C5orf46: variants seen among roughly 807,000 people sequenced by gnomAD.
The protein encoded by C5orf46 is uncharacterized protein C5orf46.
Under a neutral mutation model 8.9 loss-of-function variants are expected in C5orf46, and 9 were observed. That is an observed-to-expected ratio of 1.01 (90% CI 0.61 to 1.76). C5orf46 has a LOEUF of 1.76. Among genes scored for constraint, C5orf46 ranks in the 40% most tolerant of loss-of-function variants. The probability of loss-of-function intolerance (pLI) is 0.00; values close to 1 mark genes in which losing one functional copy is unlikely to be tolerated. For synonymous variants in C5orf46, 47 were observed against 41.4 expected, an observed-to-expected ratio of 1.14 and a Z score of -0.52; for missense variants, 98 against 107.8, an observed-to-expected ratio of 0.91 and a Z score of 0.40.
rs1310153322 is a variant in C5orf46, at chr5:147,886,536, C to G, written n.205-5442G>C. The stretch of plus-strand genomic sequence containing the variant: ...CTATAATTATGTATAACTGTAGTTA[C>G]ATATATGCATATATGTAACTTTCAT... On this transcript the variant is annotated intron_variant and non_coding_transcript_variant, in intron 2 of 2. Transcript: ENST00000510432. 71 of 150,748 alleles carry G rather than the reference C, an allele frequency of 4.7e-4. 1 individual carries two copies. The highest frequency in any genetic ancestry group is 5.9e-5 in the Non-Finnish European group (4 of 67,750). 9.3% of individuals were successfully genotyped at this position (150,748 alleles called of 1,614,324 possible).
chr5:147,899,134 G>A (rs933714525), intron 2 of C5orf46, among the ~76,000 whole-genome samples: 4 of 151,998 alleles, frequency 2.6e-5, no homozygotes, highest in Admixed American at 1.3e-4. Flanking sequence ...AACTCCTTTC[G>A]CTGGAAACTG....
At chr5:147,893,258 GA>G (rs963686558) in intron 3 of C5orf46, among the ~76,000 whole-genome samples, 5 of 137,604 alleles carry the variant, frequency 3.6e-5, no homozygotes, top group Non-Finnish European at 4.8e-5. Context: ...TGATGAAAAA[GA>G]AAAAAACTAA....
At chr5:147,898,550 T>C (rs563045967) in intron 2 of C5orf46, among the ~76,000 whole-genome samples, 12 of 152,142 alleles carry the variant, frequency 7.9e-5, no homozygotes, top group African/African-American at 2.9e-4. Flanking sequence ...AGGAAAAAAT[T>C]GCAACAGAAA....
chr5:147,902,315 A>T (rs1757684130), intron 1 of C5orf46, among the ~76,000 whole-genome samples: 1 of 151,962 alleles, frequency 6.6e-6, no homozygotes, highest in Admixed American at 6.6e-5. Context: ...GCCAGGTGTG[A>T]TGGTGCACAC....
intron 2 of C5orf46, among the ~76,000 whole-genome samples, chr5:147,900,046 T>C (rs960580961): frequency 6.6e-6 from 1 of 152,144 alleles, no homozygotes; most frequent in Admixed American, 6.5e-5. Context: ...GAAAATTCCC[T>C]AGGGAAGGAA....
intron 3 of C5orf46, 97 bp downstream of exon 3, chr5:147,896,887 C>T: frequency 6.1e-6 from 3 of 491,726 alleles, no homozygotes; most frequent in South Asian, 4.4e-5. Flanking sequence ...TGTAGGTAGA[C>T]ATGGGTAACC....
rs909596402 is a variant in C5orf46, at chr5:147,905,155, A to G, written c.70+1277T>C. On this transcript the variant is annotated intron_variant, in intron 1 of 3. Coordinates refer to ENST00000318315, the MANE Select transcript of C5orf46 (RefSeq NM_206966.3). ...AATATTTTCTTTTTTCAAGTATTAT[A>G]TGGGATAGCCTTTATTTACAGTAAC... Among the ~76,000 whole-genome samples the G allele has an allele frequency of 3.3e-5, 5 of 152,286 alleles. No individual in the cohort carries two copies. The Middle Eastern group carries it at 0.014, about 414-fold the overall frequency.
At chr5:147,887,271 A>C (rs1757437343) in intron 2 of C5orf46, 1 of 152,202 alleles carries the variant, frequency 6.6e-6, no homozygotes, top group Admixed American at 6.5e-5. Context: ...TTGTGTATAT[A>C]TGCAAGGTAG....
intron 1 of C5orf46, among the ~76,000 whole-genome samples, chr5:147,904,677 A>G (rs1193931713): frequency 6.6e-6 from 1 of 152,144 alleles, no homozygotes; most frequent in East Asian, 1.9e-4. Flanking sequence ...TTAAAGTGTG[A>G]TGGATTGCAT....
intron 3 of C5orf46, among the ~76,000 whole-genome samples, chr5:147,893,906 TA>T (rs1201140992): frequency 8.4e-5 from 12 of 143,566 alleles, no homozygotes; most frequent in African/African-American, 2.7e-4. Context: ...AGGGAAGGCA[TA>T]TTTTTTTTTT....
At chr5:147,894,875 A>G (rs1205956013) in intron 3 of C5orf46, among the ~76,000 whole-genome samples, 2 of 152,034 alleles carry the variant, frequency 1.3e-5, no homozygotes, top group Admixed American at 6.6e-5. Context: ...CATGGCCAAC[A>G]TGGTGAAACC....
intron 3 of C5orf46, among the ~76,000 whole-genome samples, chr5:147,896,366 C>T (rs1269133924): frequency 6.6e-6 from 1 of 152,108 alleles, no homozygotes; most frequent in Non-Finnish European, 1.5e-5. Context: ...ACTACAAGCC[C>T]TTAGTCATTA....
At chr5:147,905,678 G>C (rs922353713) in intron 1 of C5orf46, among the ~76,000 whole-genome samples, 1 of 152,106 alleles carries the variant, frequency 6.6e-6, no homozygotes, top group Non-Finnish European at 1.5e-5. Context: ...TATGTGCTTG[G>C]AAAAGGTGGG....
At chr5:147,887,848 G>A (rs1757444293), downstream of C5orf46, 1 of 152,180 alleles carries the variant, frequency 6.6e-6, no homozygotes, top group African/African-American at 2.4e-5. Flanking sequence ...TGTGTGGAAG[G>A]TACTAAGTGC....
intron 3 of C5orf46, among the ~76,000 whole-genome samples, chr5:147,894,544 C>T (rs1054116372): frequency 2.0e-5 from 3 of 152,052 alleles, no homozygotes; most frequent in Admixed American, 6.6e-5. Context: ...ATGCTTATCC[C>T]CTCCTCCAGA....
At position 147,896,979 on chromosome 5, in the gene C5orf46, A is replaced by G; in HGVS notation, c.*9+5T>C. 1 of 1,445,102 alleles carries G rather than the reference A, an allele frequency of 6.9e-7. No individual in the cohort carries two copies. The highest frequency in any genetic ancestry group is 9.6e-7 in the Non-Finnish European group (1 of 1,045,818). 89.5% of individuals were successfully genotyped at this position (1,445,102 alleles called of 1,614,324 possible). A position where few individuals can be genotyped will look rare whatever the true frequency, so the allele number is the denominator to read the frequency against. Reference sequence around the variant, plus strand: ...TTCAGTTGTAAATTTTAAGTGAAAAATCACCTGAGGATGTCACTTTGATGA... The same window carrying G: ...TTCAGTTGTAAATTTTAAGTGAAAAGTCACCTGAGGATGTCACTTTGATGA... On this transcript the variant is annotated splice_donor_5th_base_variant and intron_variant, in intron 3 of 3. Coordinates refer to ENST00000318315, the MANE Select transcript of C5orf46 (RefSeq NM_206966.3).
At chr5:147,894,993 G>C (rs138746392) in intron 3 of C5orf46, among the ~76,000 whole-genome samples, 2,239 of 151,860 alleles carry the variant, frequency 0.015, 55 homozygotes, top group African/African-American at 0.05. Context: ...AACCCAGGAG[G>C]CAGAGGTTGC....
downstream of C5orf46, among the ~76,000 whole-genome samples, chr5:147,891,920 C>T (rs1267482408): frequency 1.3e-5 from 2 of 151,744 alleles, no homozygotes; most frequent in African/African-American, 2.4e-5. Context: ...TGCATGCACA[C>T]CTCTTCTGGC....
intron 2 of C5orf46, chr5:147,887,001 C>T (rs1757430021): frequency 1.3e-5 from 2 of 152,034 alleles, no homozygotes; most frequent in Admixed American, 1.3e-4. Flanking sequence ...CAAGACAATG[C>T]CTAGGGTATG....
Sources: allele counts gnomAD v4.1 joint callset (sites outside exome capture counted in the v4.1 genomes callset), GRCh38; gene constraint gnomAD v4.1.1; transcripts MANE v1.5; gene names NCBI Gene and HGNC (gene_info 2026-07-23, HGNC 2026-07-21).